The following SLC10A7 variants were observed in gnomAD, a reference collection of about 807,000 sequenced individuals.
SLC10A7 encodes sodium/bile acid cotransporter 7.
In SLC10A7, 29 loss-of-function variants were observed where a neutral mutation model predicts 43.2. That is an observed-to-expected ratio of 0.67 (90% CI 0.50 to 0.92). The LOEUF is 0.92. SLC10A7 is among the 40% of genes least tolerant of loss of function. The pLI is 0.00. For synonymous variants in SLC10A7, 152 were observed against 144.8 expected (o/e 1.05, Z -0.35); for missense variants, 295 against 403.2 (o/e 0.73, Z 2.30).
chr4:146,340,509 A>G (rs966306874), intron 5 of SLC10A7, among the ~76,000 whole-genome samples: 23 of 149,942 alleles, frequency 1.5e-4, no homozygotes, highest in Admixed American at 9.9e-4. Context: ...ATACATATAT[A>G]TGTGTGTGTG....
At chr4:146,465,785 T>TA (rs1275550348) in intron 4 of SLC10A7, among the ~76,000 whole-genome samples, 3 of 152,162 alleles carry the variant, frequency 2.0e-5, no homozygotes, top group African/African-American at 7.2e-5. Context: ...CTGCAGTTCT[T>TA]AAAGATCGCA....
intron 4 of SLC10A7, among the ~76,000 whole-genome samples, chr4:146,493,900 A>G (rs568276622): frequency 5.9e-5 from 9 of 152,246 alleles, no homozygotes; most frequent in Non-Finnish European, 1.2e-4. Context: ...TACTAAACTG[A>G]AAATTCTATA....
At chr4:146,514,573 G>A (rs1306156343) in intron 2 of SLC10A7, 1 of 152,112 alleles carries the variant, frequency 6.6e-6, no homozygotes, top group Non-Finnish European at 1.5e-5. Flanking sequence ...TAGAATACAT[G>A]TCATTAAATC....
chr4:146,459,539 T>C (rs780138338), intron 4 of SLC10A7, among the ~76,000 whole-genome samples: 12 of 151,512 alleles, frequency 7.9e-5, no homozygotes, highest in Non-Finnish European at 1.8e-4. Flanking sequence ...GTAAATTGAT[T>C]TTTGGCAAAG....
intron 5 of SLC10A7, among the ~76,000 whole-genome samples, chr4:146,351,126 A>T (rs1486049857): frequency 2.0e-5 from 3 of 151,208 alleles, no homozygotes; most frequent in Non-Finnish European, 4.4e-5. Flanking sequence ...AGAAGTTGAA[A>T]ACTTTGAAAA....
At chr4:146,463,688 C>G (rs1164931407) in intron 4 of SLC10A7, among the ~76,000 whole-genome samples, 1 of 151,946 alleles carries the variant, frequency 6.6e-6, no homozygotes, top group Non-Finnish European at 1.5e-5. Context: ...CTGCAGTAAG[C>G]TAGGATTGTG....
At position 146,283,187 on chromosome 4, in the gene SLC10A7, C is replaced by T; in HGVS notation, c.847+5G>A. 1 of 1,610,798 alleles carries T rather than the reference C, an allele frequency of 6.2e-7. No individual in the cohort carries two copies. The highest frequency in any genetic ancestry group is 2.2e-5 in the East Asian group (1 of 44,840). Reference sequence around the variant, plus strand: ...AGGTGGTTTTTAACTCTGTGAATCACTTACCCAATGTAAGGGATTTGTGTG... The same window carrying T: ...AGGTGGTTTTTAACTCTGTGAATCATTTACCCAATGTAAGGGATTTGTGTG... On this transcript the variant is annotated splice_donor_5th_base_variant and intron_variant, in intron 10 of 11. Transcript: ENST00000335472.
chr4:146,369,554 C>T (rs1323194630), intron 5 of SLC10A7, among the ~76,000 whole-genome samples: 1 of 152,150 alleles, frequency 6.6e-6, no homozygotes, highest in Non-Finnish European at 1.5e-5. Context: ...ATCCTACTAT[C>T]ATAAATGATG....
chr4:146,463,313 C>T lies in SLC10A7; in HGVS notation c.397-20492G>A, dbSNP rs564474800. 9.9e-5 allele frequency among the ~76,000 whole-genome samples: 15 copies of T among 152,168 alleles called. No individual in the cohort carries two copies. The South Asian group carries it at 1.0e-3, about 11-fold the overall frequency. Reference sequence around the variant, plus strand: ...GGGGAGAAAAACACTAAATGAGCAACGAATATTGCATATGATTAATGAGAG... The same window carrying T: ...GGGGAGAAAAACACTAAATGAGCAATGAATATTGCATATGATTAATGAGAG... On this transcript the variant is annotated intron_variant, in intron 4 of 11. Transcript: ENST00000335472.
intron 4 of SLC10A7, among the ~76,000 whole-genome samples, chr4:146,462,123 A>G (rs996804917): frequency 1.3e-5 from 2 of 152,088 alleles, no homozygotes; most frequent in African/African-American, 4.8e-5. Flanking sequence ...TTGCTATAAA[A>G]TGTTAATTTT....
chr4:146,499,919 G>A (rs1736243639), intron 4 of SLC10A7, among the ~76,000 whole-genome samples: 1 of 152,166 alleles, frequency 6.6e-6, no homozygotes. Flanking sequence ...TGGATGAAAT[G>A]TGAACTTTGG....
intron 5 of SLC10A7, among the ~76,000 whole-genome samples, chr4:146,408,326 T>C (rs1191832095): frequency 6.6e-5 from 10 of 152,000 alleles, no homozygotes; most frequent in South Asian, 2.1e-4. Context: ...GGCAGGCAGA[T>C]TGCCTGAGCT....
chr4:146,468,709 G>A (rs530221902), intron 4 of SLC10A7, among the ~76,000 whole-genome samples: 22 of 152,082 alleles, frequency 1.4e-4, no homozygotes, highest in Non-Finnish European at 2.6e-4. Context: ...TGATCTACTC[G>A]CCTCAGCCTC....
chr4:146,510,039 C>T lies in SLC10A7; in HGVS notation c.194G>A (p.Ser65Asn). The T allele has an allele frequency of 1.3e-6, 2 of 1,596,822 alleles. No individual in the cohort carries two copies. The highest frequency in any genetic ancestry group is 1.7e-6 in the Non-Finnish European group (2 of 1,174,520). The change falls in exon 3 of 12, where the codon AGT (serine) becomes AAT (asparagine). Residue 65 changes from serine to asparagine, a missense_variant. Physicochemically the swap from Ser to Asn is conservative, Grantham distance 46 (BLOSUM62 1). Coordinates refer to ENST00000335472, the MANE Select transcript of SLC10A7 (RefSeq NM_001029998.6). ...ATGCAGTTTTAGATGCACCAAAGCA[C>T]TGGTCAGCTCCTGGAAAAATTAAGG... Reference protein sequence around the residue: ...GLSLKTEELTSALVHLKLHLF... With the variant: ...GLSLKTEELTNALVHLKLHLF...
chr4:146,335,985 C>T lies in SLC10A7; in HGVS notation c.436-9989G>A, dbSNP rs143542575. On this transcript the variant is annotated intron_variant, in intron 5 of 11. Transcript: ENST00000335472. ...TGAGAACTAGCTGAATATCAGACTCCGCCCCAGAACTACTATGTCATAATC... is the reference window on the plus strand; with the variant it reads ...TGAGAACTAGCTGAATATCAGACTCTGCCCCAGAACTACTATGTCATAATC... Among the ~76,000 whole-genome samples the T allele has an allele frequency of 1.9e-3, 282 of 152,148 alleles. 1 individual carries two copies. Among genetic ancestry groups the T allele is most frequent in the African/African-American group, 6.5e-3 (271 of 41,538 alleles).
chr4:146,498,076 T>A (rs1736054581), intron 4 of SLC10A7, among the ~76,000 whole-genome samples: 1 of 152,058 alleles, frequency 6.6e-6, no homozygotes, highest in South Asian at 2.1e-4. Flanking sequence ...TATCTTCTTA[T>A]TTTTGGAAAT....
At chr4:146,282,579 T>C (rs565109873) in intron 10 of SLC10A7, among the ~76,000 whole-genome samples, 10 of 152,320 alleles carry the variant, frequency 6.6e-5, no homozygotes, top group Admixed American at 3.3e-4. Context: ...TAACAGGTTA[T>C]TGGGATAATG....
intron 4 of SLC10A7, among the ~76,000 whole-genome samples, chr4:146,451,105 T>A (rs777299919): frequency 1.3e-5 from 2 of 151,254 alleles, no homozygotes; most frequent in South Asian, 4.2e-4. Flanking sequence ...ACTATCTTTA[T>A]GCCCTCAGAA....
chr4:146,274,031 T>A (rs1417821531), intron 10 of SLC10A7, among the ~76,000 whole-genome samples: 3 of 152,064 alleles, frequency 2.0e-5, no homozygotes, highest in Non-Finnish European at 4.4e-5. Flanking sequence ...CATAAAGGGA[T>A]TTATATAAGG....
Sources: allele counts gnomAD v4.1 joint callset (sites outside exome capture counted in the v4.1 genomes callset), GRCh38; gene constraint gnomAD v4.1.1; transcripts MANE v1.5; gene names NCBI Gene and HGNC (gene_info 2026-07-23, HGNC 2026-07-21).